PALLD: variants seen among roughly 807,000 people sequenced by gnomAD.
PALLD encodes palladin, cytoskeletal associated protein, also known as palladin.
Under a neutral mutation model 123.5 loss-of-function variants are expected in PALLD, and 61 were observed. The ratio of observed to expected loss-of-function variants is 0.49; its 90% confidence interval spans 0.40 to 0.61. The LOEUF is 0.61. Among genes scored for constraint, PALLD ranks in the 20% least tolerant of loss-of-function variants. The pLI, the probability that PALLD is intolerant of heterozygous loss-of-function variation, is 0.00. For synonymous variants in PALLD, 465 were observed against 496.4 expected (o/e 0.94, Z 0.84); for missense variants, 1,273 against 1,377.0 (o/e 0.92, Z 1.20).
At chr4:168,660,546 T>A (rs547176107) in intron 2 of PALLD, among the ~76,000 whole-genome samples, 11 of 152,324 alleles carry the variant, frequency 7.2e-5, no homozygotes, top group Admixed American at 1.3e-4. Flanking sequence ...CTGGAATGTT[T>A]GGAAAATCCT....
chr4:168,627,116 A>T (rs1401748708), intron 2 of PALLD, among the ~76,000 whole-genome samples: 1 of 152,242 alleles, frequency 6.6e-6, no homozygotes, highest in Admixed American at 6.5e-5. Context: ...ACTAACATTT[A>T]AAAAATTATT....
chr4:168,645,106 A>G (rs1167200917), intron 2 of PALLD, among the ~76,000 whole-genome samples: 4 of 152,110 alleles, frequency 2.6e-5, no homozygotes, highest in Non-Finnish European at 4.4e-5. Context: ...TCAAAAAAAA[A>G]AAAAAAGGAA....
chr4:168,885,456 A>G (rs1229800657), intron 10 of PALLD: 3 of 152,212 alleles, frequency 2.0e-5, no homozygotes, highest in African/African-American at 7.2e-5. Context: ...AGTACTCTGT[A>G]TTTTTAAACC....
chr4:168,658,844 T>C (rs2149964731), intron 2 of PALLD, among the ~76,000 whole-genome samples: 1 of 152,354 alleles, frequency 6.6e-6, no homozygotes, highest in Non-Finnish European at 1.5e-5. Context: ...GCTTTGAATT[T>C]CAAAAAGCCA....
chr4:168,598,461 C>A, intron 2 of PALLD: 1 of 603,758 alleles, frequency 1.7e-6, no homozygotes, highest in Non-Finnish European at 3.2e-6. Flanking sequence ...TGACTGGTAA[C>A]TGCAAAGGTG....
At chr4:168,842,472 G>A (rs1746174468) in intron 10 of PALLD, among the ~76,000 whole-genome samples, 1 of 152,192 alleles carries the variant, frequency 6.6e-6, no homozygotes, top group Admixed American at 6.5e-5. Context: ...GTGTAGAAAT[G>A]TGTCTGGGAC....
chr4:168,549,869 A>G (rs1165244278), intron 2 of PALLD, among the ~76,000 whole-genome samples: 1 of 152,198 alleles, frequency 6.6e-6, no homozygotes, highest in East Asian at 1.9e-4. Context: ...CTATAGTAGC[A>G]TTTAGCAAAA....
chr4:168,726,707 G>A (rs2150289261), intron 10 of PALLD, among the ~76,000 whole-genome samples: 1 of 152,018 alleles, frequency 6.6e-6, no homozygotes, highest in East Asian at 1.9e-4. Context: ...CACTTTGAGA[G>A]GTCAGATAGA....
At chr4:168,584,234 C>A (rs574052042) in intron 2 of PALLD, among the ~76,000 whole-genome samples, 1 of 148,746 alleles carries the variant, frequency 6.7e-6, no homozygotes, top group South Asian at 2.1e-4. Flanking sequence ...TTTTTTACCT[C>A]GTCTTCAGTT....
chr4:168,575,714 C>A (rs1325999550), intron 2 of PALLD, among the ~76,000 whole-genome samples: 1 of 152,112 alleles, frequency 6.6e-6, no homozygotes, highest in Non-Finnish European at 1.5e-5. Context: ...TATGAATCAC[C>A]TGGAAATCTT....
At chr4:168,784,283 T>G (rs1736363267) in intron 10 of PALLD, among the ~76,000 whole-genome samples, 2 of 150,850 alleles carry the variant, frequency 1.3e-5, no homozygotes, top group South Asian at 4.2e-4. Context: ...CAGTAAGCTG[T>G]GATTGTGCCA....
At chr4:168,509,900 T>C (rs1762374240) in intron 1 of PALLD, among the ~76,000 whole-genome samples, 1 of 152,228 alleles carries the variant, frequency 6.6e-6, no homozygotes, top group Non-Finnish European at 1.5e-5. Flanking sequence ...GCTCTTGAGC[T>C]GGATTTCTAC....
Position 168,926,538 on chromosome 4 carries a change from C to A in PALLD, c.*358C>A. On this transcript the variant is annotated 3_prime_UTR_variant, in exon 22 of 22. Transcript: ENST00000505667. ...ATAATATTTTTCTTACTTGATATAC[C>A]AAACTTAGTTTAAGTAGATAATGCT... 1 of 590,328 alleles carries A rather than the reference C, an allele frequency of 1.7e-6. No homozygotes were observed. The highest frequency in any genetic ancestry group is 2.9e-6 in the Non-Finnish European group (1 of 344,344). 36.6% of individuals were successfully genotyped at this position (590,328 alleles called of 1,614,324 possible).
intron 2 of PALLD, among the ~76,000 whole-genome samples, chr4:168,634,048 GT>G (rs1461098641): frequency 6.6e-6 from 1 of 152,188 alleles, no homozygotes; most frequent in African/African-American, 2.4e-5. Flanking sequence ...CATGAGCTTT[GT>G]TTATGCTCAG....
intron 10 of PALLD, among the ~76,000 whole-genome samples, chr4:168,853,268 G>C (rs557079046): frequency 6.6e-6 from 1 of 152,148 alleles, no homozygotes; most frequent in Admixed American, 6.5e-5. Context: ...GTCAAATACA[G>C]GTTGTTTTAC....
chr4:168,832,472 C>T (rs1031605310), intron 10 of PALLD, among the ~76,000 whole-genome samples: 1 of 152,200 alleles, frequency 6.6e-6, no homozygotes, highest in African/African-American at 2.4e-5. Context: ...CCCTCCCGCT[C>T]TCCTAACTCT....
At chr4:168,880,892 A>G (rs1035475360) in intron 10 of PALLD, among the ~76,000 whole-genome samples, 2 of 152,066 alleles carry the variant, frequency 1.3e-5, no homozygotes, top group Non-Finnish European at 2.9e-5. Context: ...AATTTCCAAT[A>G]TCTTAGTTTT....
chr4:168,732,617 A>G (rs1281460715), intron 10 of PALLD, among the ~76,000 whole-genome samples: 1 of 149,410 alleles, frequency 6.7e-6, no homozygotes, highest in Non-Finnish European at 1.5e-5. Context: ...TCAGAAAAAC[A>G]TAGGGGCTTA....
chr4:168,521,884 C>A (rs10026916), intron 2 of PALLD, among the ~76,000 whole-genome samples: 112,557 of 152,000 alleles, frequency 0.74, 41,896 homozygotes, highest in East Asian at 0.86. Context: ...TTTTTTTATA[C>A]ATTTTTACCT....
Sources: gnomAD v4.1 joint callset for allele counts (sites outside exome capture counted in the v4.1 genomes callset) on GRCh38, gnomAD v4.1.1 for gene constraint, MANE v1.5 for transcripts, NCBI Gene and HGNC (gene_info 2026-07-23, HGNC 2026-07-21) for gene names.